Variants in MSRA observed in about 807,000 individuals in gnomAD.
MSRA encodes methionine sulfoxide reductase A.
MSRA carries 54 observed loss-of-function variants against 31.3 expected under a neutral mutation model. The observed-to-expected ratio is 1.73, with a 90% CI of 1.39 to 2.17. The LOEUF (loss-of-function observed/expected upper bound fraction) is 2.17. Ranked by LOEUF, MSRA falls within the 30% of genes most tolerant of loss-of-function variation. MSRA has a pLI of 0.00. For missense variants in MSRA, 507 were observed against 300.9 expected, an observed-to-expected ratio of 1.69 and a Z score of -5.07; for synonymous variants, 169 against 116.5, an observed-to-expected ratio of 1.45 and a Z score of -2.90.
chr8:10,147,995 C>T (rs919266522), intron 1 of MSRA, among the ~76,000 whole-genome samples: 5 of 152,160 alleles, frequency 3.3e-5, no homozygotes, highest in Non-Finnish European at 7.4e-5. Flanking sequence ...TGTTGCTGCC[C>T]GTACCTGTGC....
At chr8:10,143,451 G>A (rs1019337925) in intron 1 of MSRA, among the ~76,000 whole-genome samples, 7 of 152,134 alleles carry the variant, frequency 4.6e-5, no homozygotes, top group Admixed American at 3.3e-4. Context: ...CTGCTTTAGT[G>A]TCGCAGCGAT....
At chr8:10,074,665 C>G (rs896650300) in intron 1 of MSRA, among the ~76,000 whole-genome samples, 1 of 151,872 alleles carries the variant, frequency 6.6e-6, no homozygotes, top group African/African-American at 2.4e-5. Context: ...CTTTTCTTTT[C>G]TTTTCTTTTT....
intron 5 of MSRA, among the ~76,000 whole-genome samples, chr8:10,338,493 G>C (rs1039687173): frequency 6.6e-6 from 1 of 152,048 alleles, no homozygotes; most frequent in South Asian, 2.1e-4. Flanking sequence ...CATTTAACAC[G>C]TCTCACCATA....
At chr8:10,427,063 A>G (rs543604394) in intron 5 of MSRA, among the ~76,000 whole-genome samples, 1 of 152,254 alleles carries the variant, frequency 6.6e-6, no homozygotes, top group South Asian at 2.1e-4. Flanking sequence ...AATCATGCTG[A>G]ATATTAATAT....
chr8:10,153,638 G>A (rs563863988), intron 1 of MSRA, among the ~76,000 whole-genome samples: 1 of 152,284 alleles, frequency 6.6e-6, no homozygotes, highest in African/African-American at 2.4e-5. Context: ...CAAAGCGACA[G>A]CAGTGGTAGC....
chr8:10,197,984 G>A (rs972233260), intron 1 of MSRA, among the ~76,000 whole-genome samples: 1 of 152,198 alleles, frequency 6.6e-6, no homozygotes, highest in Admixed American at 6.5e-5. Flanking sequence ...ATGGAAGAGA[G>A]GGTGACTGCT....
intron 5 of MSRA, among the ~76,000 whole-genome samples, chr8:10,425,498 C>T (rs1378575463): frequency 2.0e-5 from 3 of 152,242 alleles, no homozygotes; most frequent in Non-Finnish European, 4.4e-5. Flanking sequence ...GACCCACTTC[C>T]TCCCACGCTG....
At chr8:10,165,588 G>A (rs895499273) in intron 1 of MSRA, among the ~76,000 whole-genome samples, 1 of 152,186 alleles carries the variant, frequency 6.6e-6, no homozygotes, top group Non-Finnish European at 1.5e-5. Flanking sequence ...GTGGCAGTCT[G>A]TGCCCAGGTG....
At chr8:10,230,769 A>G (rs1811396620) in intron 2 of MSRA, among the ~76,000 whole-genome samples, 5 of 152,020 alleles carry the variant, frequency 3.3e-5, no homozygotes, top group Admixed American at 3.3e-4. Flanking sequence ...CATCTTACCT[A>G]TTTGTGGGTT....
chr8:10,123,106 A>C (rs570024669), intron 1 of MSRA, among the ~76,000 whole-genome samples: 1 of 152,370 alleles, frequency 6.6e-6, no homozygotes, highest in East Asian at 1.9e-4. Context: ...AGGAATTGCC[A>C]CACTGCTTTC....
At chr8:10,386,212 G>A (rs1016445299) in intron 5 of MSRA, among the ~76,000 whole-genome samples, 2 of 152,138 alleles carry the variant, frequency 1.3e-5, no homozygotes, top group Non-Finnish European at 2.9e-5. Context: ...GCTGGACCTC[G>A]GAGAGGGGAA....
Position 10,164,125 on chromosome 8 carries a change from G to T in MSRA, c.143-43708G>T, listed in dbSNP as rs571120362. Reference sequence around the variant, plus strand: ...TTAAAACCGCATACTTACACAGCTAGCGTTTTATTGCAGAATACTACTTTT... The same window carrying T: ...TTAAAACCGCATACTTACACAGCTATCGTTTTATTGCAGAATACTACTTTT... On this transcript the variant is annotated intron_variant, in intron 1 of 5. Transcript: ENST00000317173. 9.8e-5 allele frequency among the ~76,000 whole-genome samples: 15 copies of T among 152,294 alleles called. No homozygotes were observed. In the South Asian group the frequency reaches 2.9e-3, roughly 29 times the overall value.
At chr8:10,154,363 GT>G (rs371609717) in intron 1 of MSRA, among the ~76,000 whole-genome samples, 4 of 149,478 alleles carry the variant, frequency 2.7e-5, no homozygotes, top group East Asian at 2.0e-4. Context: ...CACATTTGTG[GT>G]TTTTTTTTTC....
Position 10,428,145 on chromosome 8 carries a change from C to T in MSRA, c.544-3C>T, listed in dbSNP as rs200539937. 3.6e-5 allele frequency: 58 copies of T among 1,610,840 alleles called. No individual in the cohort carries two copies. In the Admixed American group the frequency reaches 3.9e-4, roughly 11 times the overall value. ...CTGATGGCGCCTTTCTGTGTCCCCA[C>T]AGGTTCTTTCAGAGCACGGCTTCGG... On this transcript the variant is annotated splice_region_variant and splice_polypyrimidine_tract_variant and intron_variant, in intron 5 of 5. Transcript: ENST00000317173.
At chr8:10,423,266 C>T (rs1037050995) in intron 5 of MSRA, among the ~76,000 whole-genome samples, 2 of 152,140 alleles carry the variant, frequency 1.3e-5, no homozygotes, top group Admixed American at 1.3e-4. Context: ...GCAGTAAAAC[C>T]GAGATCCGGA....
rs377057690 is a variant in MSRA, at chr8:10,074,145, C to T, written c.142+19487C>T. ...TCCCCCAGGCTGGAGTGCAGTGGTG[C>T]GATCTGGGCTCACTGCAAGCTCTGC... On this transcript the variant is annotated intron_variant, in intron 1 of 5. Coordinates refer to ENST00000317173, the MANE Select transcript of MSRA (RefSeq NM_012331.5). Among the ~76,000 whole-genome samples, 117 of 125,954 alleles carry T rather than the reference C, an allele frequency of 9.3e-4. 2 individuals are homozygous for T. In the East Asian group the frequency reaches 0.026, roughly 28 times the overall value. 82.6% of individuals were successfully genotyped at this position (125,954 alleles called of 152,430 possible).
intron 1 of MSRA, among the ~76,000 whole-genome samples, chr8:10,171,009 G>A (rs575715935): frequency 2.0e-5 from 3 of 152,200 alleles, no homozygotes; most frequent in Non-Finnish European, 4.4e-5. Flanking sequence ...CTTGATCCGA[G>A]GGGAAAGCAG....
intron 1 of MSRA, among the ~76,000 whole-genome samples, chr8:10,199,466 C>T (rs114107823): frequency 0.02 from 3,045 of 152,180 alleles, 97 homozygotes; most frequent in African/African-American, 0.067. Context: ...ACTACAAATG[C>T]GCGCCACCGT....
intron 5 of MSRA, among the ~76,000 whole-genome samples, chr8:10,399,410 G>T (rs1807302718): frequency 6.6e-6 from 1 of 152,198 alleles, no homozygotes; most frequent in African/African-American, 2.4e-5. Context: ...CCTCCTGAAT[G>T]GCTTAGCGCC....
Sources: allele counts gnomAD v4.1 joint callset (sites outside exome capture counted in the v4.1 genomes callset), GRCh38; gene constraint gnomAD v4.1.1; transcripts MANE v1.5; gene names NCBI Gene and HGNC (gene_info 2026-07-23, HGNC 2026-07-21).